Variants in UBE2J2 observed in about 807,000 individuals in gnomAD.
The protein encoded by UBE2J2 is ubiquitin conjugating enzyme E2 J2, also known as ubiquitin-conjugating enzyme E2 J2.
UBE2J2 carries 5 observed loss-of-function variants against 28.6 expected under a neutral mutation model. That is an observed-to-expected ratio of 0.17 (90% CI 0.09 to 0.37). The LOEUF (loss-of-function observed/expected upper bound fraction) is 0.37, where lower values mean the gene tolerates loss of function less well. Among genes scored for constraint, UBE2J2 ranks in the 10% least tolerant of loss-of-function variants. The pLI is 1.00. For synonymous variants in UBE2J2, 138 were observed against 139.7 expected (o/e 0.99, Z 0.09); for missense variants, 226 against 338.9 (o/e 0.67, Z 2.62).
intron 6 of UBE2J2, 144 bp downstream of exon 6, chr1:1,255,901 C>A (rs1317207307): frequency 1.4e-6 from 1 of 700,572 alleles, no homozygotes; most frequent in Non-Finnish European, 2.5e-6. Flanking sequence ...CTTTCTGCCT[C>A]CCCTGCCTCG....
At chr1:1,255,879 C>G (rs1470101095) in intron 6 of UBE2J2, among the ~76,000 whole-genome samples, 166 bp downstream of exon 6, 2 of 152,368 alleles carry the variant, frequency 1.3e-5, no homozygotes, top group East Asian at 3.9e-4. Context: ...AGGCCACCCC[C>G]CAGAGCCCAG....
intron 3 of UBE2J2, among the ~76,000 whole-genome samples, chr1:1,261,993 G>A (rs1158606472): frequency 6.6e-6 from 1 of 152,280 alleles, no homozygotes; most frequent in Non-Finnish European, 1.5e-5. Flanking sequence ...GAGTAGCTGG[G>A]ATTATAGGCA....
chr1:1,267,674 C>A, intron 2 of UBE2J2, 188 bp downstream of exon 2: 1 of 1,376,200 alleles, frequency 7.3e-7, no homozygotes, highest in Non-Finnish European at 9.5e-7. Context: ...ATGTCCCCGG[C>A]ATGCGTCCAT....
chr1:1,257,789 G>A (rs750905000), intron 3 of UBE2J2, among the ~76,000 whole-genome samples: 116 of 151,810 alleles, frequency 7.6e-4, no homozygotes, highest in Non-Finnish European at 1.0e-3. Flanking sequence ...TTGCTTCCCC[G>A]ACCCAACTGC....
At chr1:1,263,287 A>C in intron 3 of UBE2J2, 59 bp downstream of exon 3, 1 of 1,460,688 alleles carries the variant, frequency 6.8e-7, no homozygotes. Context: ...TGAACAGGCA[A>C]GGCTGACTGA....
In UBE2J2 at chr1:1,256,995, G is replaced by A. The variant is rs774368579; in HGVS notation, c.411C>T (p.Phe137=). The A allele has an allele frequency of 6.5e-7, 1 of 1,546,374 alleles. No individual in the cohort carries two copies. Among genetic ancestry groups the A allele is most frequent in the Admixed American group, 2.0e-5 (1 of 50,372 alleles). Residue 137 remains phenylalanine (F), a synonymous_variant, in exon 5 of 7, where the codon TTC becomes TTT. Transcript: ENST00000349431. The stretch of plus-strand genomic sequence containing the variant: ...AGGGAGAGGCTCTAAAACTTACCGT[G>A]AAGTCCGACGTCTCTATACTGCCCA... ...PTLGSIETSD[F]TKRQLAVQSL...
intron 5 of UBE2J2, 28 bp from the exon 6 acceptor site, chr1:1,256,153 A>G (rs776920013): frequency 6.6e-7 from 1 of 1,510,732 alleles, no homozygotes. Context: ...GGAATCAGCC[A>G]GAAAACTAAT....
chr1:1,259,961 GTC>G (rs1557554572), intron 3 of UBE2J2, among the ~76,000 whole-genome samples: 1 of 152,208 alleles, frequency 6.6e-6, no homozygotes, highest in African/African-American at 2.4e-5. Context: ...TTTCCCTCGT[GTC>G]TCTCTCTTGA....
intron 3 of UBE2J2, chr1:1,263,102 A>G (rs1639656075): frequency 2.0e-6 from 1 of 491,422 alleles, no homozygotes; most frequent in Non-Finnish European, 3.7e-6. Context: ...CTATGGCCCT[A>G]TGGTGTCAGA....
intron 1 of UBE2J2, among the ~76,000 whole-genome samples, chr1:1,270,603 C>A (rs564295252): frequency 6.6e-6 from 1 of 152,298 alleles, no homozygotes; most frequent in Non-Finnish European, 1.5e-5. Context: ...CATCACTTCT[C>A]CCATCAACAC....
At chr1:1,260,639 C>T (rs1164530616) in intron 3 of UBE2J2, among the ~76,000 whole-genome samples, 5 of 152,198 alleles carry the variant, frequency 3.3e-5, no homozygotes, top group Non-Finnish European at 7.3e-5. Context: ...GAAGTGGGTC[C>T]CTGGCAGCTT....
At chr1:1,260,633 T>C (rs1639501717) in intron 3 of UBE2J2, among the ~76,000 whole-genome samples, 2 of 152,170 alleles carry the variant, frequency 1.3e-5, no homozygotes, top group Admixed American at 6.6e-5. Flanking sequence ...TGTCCTGAAG[T>C]GGGTCCCTGG....
At chr1:1,265,827 G>A (rs1315225227) in intron 2 of UBE2J2, among the ~76,000 whole-genome samples, 2 of 152,048 alleles carry the variant, frequency 1.3e-5, no homozygotes, top group African/African-American at 4.8e-5. Context: ...TAGAGACAGG[G>A]TTCCACCATG....
chr1:1,263,251 G>A, intron 3 of UBE2J2, 95 bp downstream of exon 3: 1 of 1,161,898 alleles, frequency 8.6e-7, no homozygotes, highest in Non-Finnish European at 1.3e-6. Context: ...AAAGTAGAAA[G>A]GCTGCTGTTT....
rs1012069581 is a variant in UBE2J2, at chr1:1,268,456, G to A, written c.1-464C>T. 1.1e-4 allele frequency among the ~76,000 whole-genome samples: 17 copies of A among 152,112 alleles called. No individual in the cohort carries two copies. Among genetic ancestry groups the A allele is most frequent in the African/African-American group, 3.6e-4 (15 of 41,430 alleles). ...GCCCCTTCACCGCACCCGGAAGCCC[G>A]CTGCCCAGCATTTACCACTAGCCAC... On this transcript the variant is annotated intron_variant, in intron 1 of 6. Transcript: ENST00000349431. The surrounding 1 kb of genome is among the most constrained non-coding windows in gnomAD (Gnocchi z 4.7).
intron 2 of UBE2J2, among the ~76,000 whole-genome samples, chr1:1,264,088 C>G (rs1639712887): frequency 6.6e-6 from 1 of 152,166 alleles, no homozygotes; most frequent in African/African-American, 2.4e-5. Context: ...CAGAACACAG[C>G]TAGTGATGCG....
intron 1 of UBE2J2, among the ~76,000 whole-genome samples, chr1:1,269,233 G>A (rs1443442060): frequency 6.8e-6 from 1 of 146,186 alleles, no homozygotes; most frequent in Non-Finnish European, 1.5e-5. Context: ...CCACACCCGA[G>A]ACTGGGGAGA....
At chr1:1,264,495 GGCTCGGTGGCTCAT>G (rs1390638743) in intron 2 of UBE2J2, among the ~76,000 whole-genome samples, 16 of 152,174 alleles carry the variant, frequency 1.1e-4, no homozygotes, top group African/African-American at 3.9e-4. Context: ...ATGGGGGCTG[GGCTCGGTGGCTCAT>G]GCCCGTGATC....
chr1:1,267,397 G>A (rs1639931418), intron 2 of UBE2J2, among the ~76,000 whole-genome samples: 1 of 152,184 alleles, frequency 6.6e-6, no homozygotes, highest in Admixed American at 6.5e-5. Context: ...TCGGACCCTA[G>A]TCCTGTCAAA....
Sources: allele counts gnomAD v4.1 joint callset (sites outside exome capture counted in the v4.1 genomes callset), GRCh38; gene constraint gnomAD v4.1.1; non-coding constraint Gnocchi (gnomAD v3.1); transcripts MANE v1.5; gene names NCBI Gene and HGNC (gene_info 2026-07-23, HGNC 2026-07-21).